The following ABCD3 variants were observed in gnomAD, a reference collection of about 807,000 sequenced individuals.
ABCD3 encodes the protein ATP-binding cassette sub-family D member 3.
In ABCD3, 41 loss-of-function variants were observed where a neutral mutation model predicts 105.5. The ratio of observed to expected loss-of-function variants is 0.39; its 90% CI spans 0.30 to 0.50. The LOEUF is 0.50. Among genes scored for constraint, ABCD3 ranks in the 20% least tolerant of loss-of-function variants. The pLI is 0.84. For synonymous variants in ABCD3, 258 were observed against 269.0 expected, an observed-to-expected ratio of 0.96 and a Z score of 0.40; for missense variants, 622 against 806.3, an observed-to-expected ratio of 0.77 and a Z score of 2.77.
chr1:94,506,479 C>T (rs933876663), intron 20 of ABCD3, 59 bp from the exon 21 acceptor site: 39 of 981,248 alleles, frequency 4.0e-5, no homozygotes, highest in Non-Finnish European at 5.7e-5. Context: ...AAGTTTGTTT[C>T]GGCTTACTAA....
Position 94,419,199 on chromosome 1 carries a change from C to A in ABCD3, c.110+611C>A, listed in dbSNP as rs116147928. 6.7e-3 allele frequency: 5,493 copies of A among 815,086 alleles called. 175 individuals are homozygous for A. Among genetic ancestry groups the A allele is most frequent in the African/African-American group, 0.067 (3,609 of 53,790 alleles). 50.5% of individuals were successfully genotyped at this position (815,086 alleles called of 1,614,324 possible). ...TGGTGAGCCCTTGGAGTCGGTGAACCCTTTGGTCGGTGAACATTTGGTCGG... is the reference window on the plus strand; with the variant it reads ...TGGTGAGCCCTTGGAGTCGGTGAACACTTTGGTCGGTGAACATTTGGTCGG... On this transcript the variant is annotated intron_variant, in intron 1 of 22. Coordinates refer to ENST00000370214, the MANE Select transcript of ABCD3 (RefSeq NM_002858.4).
intron 10 of ABCD3, among the ~76,000 whole-genome samples, chr1:94,486,384 T>C (rs1254420109): frequency 6.6e-6 from 1 of 152,190 alleles, no homozygotes; most frequent in Admixed American, 6.5e-5. Context: ...TGCTCTTTCA[T>C]TAGAATGTAA....
chr1:94,458,707 G>T (rs1017932780), intron 2 of ABCD3, 64 bp downstream of exon 2: 2 of 1,499,520 alleles, frequency 1.3e-6, no homozygotes, highest in Non-Finnish European at 1.9e-6. Flanking sequence ...TTTGTCATAT[G>T]ATTCTGATTT....
chr1:94,390,941 A>G, the ABCD3 span, among the ~76,000 whole-genome samples: 56 of 152,218 alleles, frequency 3.7e-4, no homozygotes, highest in Non-Finnish European at 7.3e-4. Context: ...AAGGTATTTC[A>G]GGTCCCTTGA....
intron 21 of ABCD3, among the ~76,000 whole-genome samples, chr1:94,512,250 C>T (rs1257373974): frequency 1.3e-5 from 2 of 151,898 alleles, no homozygotes; most frequent in Admixed American, 1.3e-4. Flanking sequence ...TTCTTTCCTC[C>T]CTTTTTCCTT....
chr1:94,492,009 T>G (rs77853256), intron 16 of ABCD3, among the ~76,000 whole-genome samples: 1,671 of 152,258 alleles, frequency 0.011, 27 homozygotes, highest in East Asian at 0.025. Context: ...TCTGCAATGA[T>G]GGAAATGCTC....
At chr1:94,392,604 T>C in the ABCD3 span, among the ~76,000 whole-genome samples, 1 of 152,218 alleles carries the variant, frequency 6.6e-6, no homozygotes, top group Non-Finnish European at 1.5e-5. Flanking sequence ...AGAGGGCATG[T>C]GATTGTACCT....
chr1:94,414,381 G>A (rs921268003), upstream of ABCD3, among the ~76,000 whole-genome samples: 7 of 152,020 alleles, frequency 4.6e-5, no homozygotes, highest in Non-Finnish European at 1.0e-4. Context: ...TCCATTTTAT[G>A]TGAATCCACA....
chr1:94,459,205 T>G (rs1311550220), intron 2 of ABCD3, among the ~76,000 whole-genome samples: 1 of 151,942 alleles, frequency 6.6e-6, no homozygotes, highest in Non-Finnish European at 1.5e-5. Context: ...CCACCTTGCC[T>G]GGCTCTGTTT....
chr1:94,420,867 T>C (rs1659232100), intron 1 of ABCD3, among the ~76,000 whole-genome samples: 1 of 152,170 alleles, frequency 6.6e-6, no homozygotes, highest in Admixed American at 6.5e-5. Flanking sequence ...TGGCCTTCTT[T>C]TGTCTATGTT....
the ABCD3 span, among the ~76,000 whole-genome samples, chr1:94,396,768 C>T: frequency 6.6e-6 from 1 of 152,094 alleles, no homozygotes; most frequent in Non-Finnish European, 1.5e-5. Context: ...TTCCTGTGGG[C>T]CCATGGGCCT....
At chr1:94,491,391 C>T (rs1380204400) in intron 16 of ABCD3, 144 bp downstream of exon 16, 14 of 674,356 alleles carry the variant, frequency 2.1e-5, no homozygotes, top group East Asian at 2.8e-5. Flanking sequence ...GTCTTTGAAA[C>T]GCTTAGAAAT....
At chr1:94,412,102 T>C in the ABCD3 span, among the ~76,000 whole-genome samples, 1 of 152,178 alleles carries the variant, frequency 6.6e-6, no homozygotes, top group Non-Finnish European at 1.5e-5. Flanking sequence ...GTAAATGAAC[T>C]GAATACTGCC....
chr1:94,415,782 A>T (rs983344356), upstream of ABCD3, among the ~76,000 whole-genome samples: 4 of 152,224 alleles, frequency 2.6e-5, no homozygotes, highest in African/African-American at 7.2e-5. Flanking sequence ...AGGCCTATCA[A>T]GCACTGCTTT....
At chr1:94,426,847 AAT>A (rs1491462405) in intron 1 of ABCD3, among the ~76,000 whole-genome samples, 1 of 69,568 alleles carries the variant, frequency 1.4e-5, no homozygotes, top group Non-Finnish European at 2.8e-5. Flanking sequence ...GCCCAGCCTG[AAT>A]TTTTTTTTTT....
intron 1 of ABCD3, among the ~76,000 whole-genome samples, chr1:94,422,138 A>G (rs1659280470): frequency 6.6e-6 from 1 of 152,008 alleles, no homozygotes; most frequent in South Asian, 2.1e-4. Flanking sequence ...CTGATTTCCA[A>G]ACTGATGTAA....
chr1:94,515,609 T>G (rs1042788010), intron 22 of ABCD3, among the ~76,000 whole-genome samples: 1 of 151,980 alleles, frequency 6.6e-6, no homozygotes, highest in Non-Finnish European at 1.5e-5. Context: ...ACATAAGCTA[T>G]GTTTATCAAT....
At chr1:94,420,173 G>T (rs1361984928) in intron 1 of ABCD3, among the ~76,000 whole-genome samples, 1 of 152,124 alleles carries the variant, frequency 6.6e-6, no homozygotes, top group Non-Finnish European at 1.5e-5. Flanking sequence ...AGAGCTTGAA[G>T]AATTTTTACA....
At chr1:94,398,419 T>C in the ABCD3 span, among the ~76,000 whole-genome samples, 1 of 152,220 alleles carries the variant, frequency 6.6e-6, no homozygotes, top group Admixed American at 6.5e-5. Context: ...CGTGTATTCT[T>C]GTCTGAAACA....
Sources: allele counts gnomAD v4.1 joint callset (sites outside exome capture counted in the v4.1 genomes callset), GRCh38; gene constraint gnomAD v4.1.1; transcripts MANE v1.5; gene names NCBI Gene and HGNC (gene_info 2026-07-23, HGNC 2026-07-21).